Variants in UBR4 observed in about 807,000 individuals in gnomAD.
The protein encoded by UBR4 is E3 ubiquitin-protein ligase UBR4.
In UBR4, 124 loss-of-function variants were observed where a neutral mutation model predicts 575.6. The observed-to-expected ratio is 0.22, with a 90% CI of 0.19 to 0.25. The LOEUF (loss-of-function observed/expected upper bound fraction) is 0.25. Ranked by LOEUF, UBR4 falls within the 10% of genes least tolerant of loss-of-function variation. UBR4 has a pLI of 1.00. For synonymous variants in UBR4, 2,455 were observed against 2,473.7 expected, an observed-to-expected ratio of 0.99 and a Z score of 0.22; for missense variants, 4,818 against 6,478.8, an observed-to-expected ratio of 0.74 and a Z score of 8.80.
intron 60 of UBR4, among the ~76,000 whole-genome samples, chr1:19,132,667 G>C (rs892598330): frequency 1.2e-5 from 1 of 85,726 alleles, no homozygotes; most frequent in Admixed American, 1.1e-4. Flanking sequence ...GGAATAGAAA[G>C]CAGACATACA....
chr1:19,125,968 G>T (rs2081712164), intron 64 of UBR4, among the ~76,000 whole-genome samples: 1 of 152,212 alleles, frequency 6.6e-6, no homozygotes, highest in Non-Finnish European at 1.5e-5. Context: ...AGCTGTAGAA[G>T]CTGAAGGTTA....
Position 19,110,129 on chromosome 1 carries a change from T to C in UBR4, c.12072A>G (p.Ile4024Met). 6.2e-7 allele frequency: 1 copy of C among 1,614,204 alleles called. No individual in the cohort carries two copies. Among genetic ancestry groups the C allele is most frequent in the Non-Finnish European group, 8.5e-7 (1 of 1,180,038 alleles). The stretch of plus-strand genomic sequence containing the variant: ...TCTTGCTAGTGGGAGCAGGTGGTTT[T>C]ATCAGCTTCTGCAAGATCCTCAGGC... ...LMCLRILQKL[I>M]KPPAPTSKKN... Residue 4024 changes from isoleucine (I) to methionine (M), a missense_variant, in exon 81 of 106, where the codon ATA (isoleucine) becomes ATG (methionine). This residue lies in a region of UBR4 where 333 missense variants were observed against 459.2 expected (regional missense o/e 0.73). Coordinates refer to ENST00000375254, the MANE Select transcript of UBR4 (RefSeq NM_020765.3). The surrounding 1 kb of genome is among the most constrained non-coding windows in gnomAD (Gnocchi z 4.5).
rs748773657 is a variant in UBR4, at chr1:19,141,384, T to C, written c.8451A>G (p.Glu2817=). The change falls in exon 57 of 106, where the codon GAA becomes GAG. Residue 2817 remains glutamate (E), a synonymous_variant. Transcript: ENST00000375254. The part of the protein sequence containing the change: ...PPDADDETMV[E]LAIALSLQQD... Reference sequence around the variant, plus strand: ...GCTGCAGGCTCAGGGCAATGGCTAGTTCAACCATGGTCTCGTCATCTGCAT... The same window carrying C: ...GCTGCAGGCTCAGGGCAATGGCTAGCTCAACCATGGTCTCGTCATCTGCAT... The C allele has an allele frequency of 5.6e-6, 9 of 1,614,128 alleles. No individual in the cohort carries two copies. The Admixed American group carries it at 1.5e-4, about 27-fold the overall frequency.
chr1:19,123,183 G>A, intron 65 of UBR4, 123 bp from the exon 66 acceptor site: 1 of 1,046,972 alleles, frequency 9.6e-7, no homozygotes, highest in Middle Eastern at 2.1e-4. Context: ...CGGGCACGGT[G>A]GCTCACAGCT....
chr1:19,179,977 A>G (rs2090712572), intron 17 of UBR4, among the ~76,000 whole-genome samples: 1 of 152,238 alleles, frequency 6.6e-6, no homozygotes, highest in East Asian at 1.9e-4. Context: ...TTCCCTGGAA[A>G]TGAATGTTTC....
intron 60 of UBR4, among the ~76,000 whole-genome samples, chr1:19,134,086 TAAAAA>T (rs71030132): frequency 5.7e-5 from 3 of 52,522 alleles, no homozygotes; most frequent in African/African-American, 8.6e-5. Flanking sequence ...ACTCTGTCTC[TAAAAA>T]AAAAAAAAAA....
rs753881490 is a variant in UBR4 at position 19,110,411 on chromosome 1, C to T, written c.11946G>A (p.Glu3982=). The change falls in exon 80 of 106, where the codon GAG becomes GAA. Residue 3982 remains glutamate (E), a synonymous_variant. Transcript: ENST00000375254. The surrounding 1 kb of genome is among the most constrained non-coding windows in gnomAD (Gnocchi z 4.5). Reference sequence around the variant, plus strand: ...GTAACCGGAGCTCCCAGCAGCTGTCCTCCTTGGAGATAGAATCCGTCAGCA... The same window carrying T: ...GTAACCGGAGCTCCCAGCAGCTGTCTTCCTTGGAGATAGAATCCGTCAGCA... ...MLLLTDSISK[E]DSCWELRLRC... 1.9e-6 allele frequency: 3 copies of T among 1,614,188 alleles called. No homozygotes were observed. The highest frequency in any genetic ancestry group is 1.7e-5 in the Admixed American group (1 of 60,024).
In UBR4 at chr1:19,093,002, C is replaced by T. The variant is rs370942812; in HGVS notation, c.14112-84G>A. ...AGTTGTTGACTCTGGCTTGTTTAAA[C>T]CCCCAGGGCATGATTAACCGTGACC... is the stretch of plus-strand genomic sequence containing the variant. On this transcript the variant is annotated intron_variant, in intron 96 of 105. Coordinates refer to ENST00000375254, the MANE Select transcript of UBR4 (RefSeq NM_020765.3). This position sits in a 1 kb window ranked among gnomAD's most constrained non-coding sequence, Gnocchi z 4.8. 3 of 1,251,860 alleles carry T rather than the reference C, an allele frequency of 2.4e-6. No individual in the cohort carries two copies. Among genetic ancestry groups the T allele is most frequent in the Middle Eastern group, 2.2e-4 (1 of 4,572 alleles). 77.5% of individuals were successfully genotyped at this position (1,251,860 alleles called of 1,614,324 possible). A position where few individuals can be genotyped will look rare whatever the true frequency, so the allele number is the denominator to read the frequency against.
At chr1:19,106,481 G>A in intron 83 of UBR4, 88 bp downstream of exon 83, 3 of 1,440,160 alleles carry the variant, frequency 2.1e-6, no homozygotes, top group African/African-American at 2.8e-5. Flanking sequence ...AGATGGCAGT[G>A]CAGACACATG....
chr1:19,084,187 G>A (rs564093521), intron 102 of UBR4, among the ~76,000 whole-genome samples: 12 of 152,342 alleles, frequency 7.9e-5, no homozygotes, highest in Admixed American at 3.3e-4. Flanking sequence ...CCGCTGCATC[G>A]AAGTAGAGGC....
In UBR4 at chr1:19,138,084, G is replaced by A. The variant is rs1285394743; in HGVS notation, c.8829C>T (p.Thr2943=). 4 of 1,598,860 alleles carry A rather than the reference G, an allele frequency of 2.5e-6. No homozygotes were observed. The East Asian group carries it at 9.0e-5, about 36-fold the overall frequency. ...VSSSTGAIST[T]TGHQEGDGSE... is the part of the protein sequence containing the mutation. The stretch of plus-strand genomic sequence containing the variant: ...AGCCATCTCCCTCCTGGTGCCCAGT[G>A]GTGGTGCTGATGGCTCCAGTGCTTG... The change falls in exon 60 of 106, where the codon ACC becomes ACT. Residue 2943 remains threonine (T), a synonymous_variant. Transcript: ENST00000375254.
intron 21 of UBR4, 25 bp from the exon 22 acceptor site, chr1:19,174,472 C>A (rs940150700): frequency 3.1e-6 from 5 of 1,601,682 alleles, no homozygotes; most frequent in Non-Finnish European, 4.2e-6. Flanking sequence ...GAAAGAGAGT[C>A]ATTTCCTTAC....
chr1:19,161,573 G>A lies in UBR4; in HGVS notation c.5175+16C>T, dbSNP rs1355166607. On this transcript the variant is annotated intron_variant, in intron 37 of 105. Coordinates refer to ENST00000375254, the MANE Select transcript of UBR4 (RefSeq NM_020765.3). ...CTAACAAGCCACCCTTTATAGCTCA[G>A]GGAGGGTCCTCTCACCAAACAGCTG... is the stretch of plus-strand genomic sequence containing the variant. 6.3e-7 allele frequency: 1 copy of A among 1,591,508 alleles called. No individual in the cohort carries two copies. Among genetic ancestry groups the A allele is most frequent in the African/African-American group, 1.3e-5 (1 of 74,170 alleles).
At chr1:19,172,714 G>C (rs554843398) in intron 25 of UBR4, 150 bp downstream of exon 25, 1 of 687,030 alleles carries the variant, frequency 1.5e-6, no homozygotes. Flanking sequence ...TCCTCATCAA[G>C]CACCCCTTCA....
rs373791866 is a variant in UBR4 at position 19,151,748 on chromosome 1, T to C, written c.7108A>G (p.Ile2370Val). Reference sequence around the variant, plus strand: ...TTGAGCTGCATAGTTCTGCCGAAGATCTCGATATATGACGGGGCCCGTTCT... The same window carrying C: ...TTGAGCTGCATAGTTCTGCCGAAGACCTCGATATATGACGGGGCCCGTTCT... ...AIERAPSYIE[I>V]FGRTMQLNLS... is the part of the protein sequence containing the mutation. The change falls in exon 48 of 106, where the codon ATC (isoleucine) becomes GTC (valine). Residue 2370 changes from isoleucine (I) to valine (V), a missense_variant. Physicochemically the swap from Ile to Val is conservative, Grantham distance 29. This residue lies in a region of UBR4 where 461 missense variants were observed against 606.9 expected (regional missense o/e 0.76). Coordinates refer to ENST00000375254, the MANE Select transcript of UBR4 (RefSeq NM_020765.3). The C allele has an allele frequency of 6.8e-6, 11 of 1,614,170 alleles. No individual in the cohort carries two copies. The highest frequency in any genetic ancestry group is 9.3e-6 in the Non-Finnish European group (11 of 1,180,020).
intron 34 of UBR4, 108 bp downstream of exon 34, chr1:19,163,656 A>T: frequency 8.9e-7 from 1 of 1,129,724 alleles, no homozygotes; most frequent in Non-Finnish European, 1.3e-6. Context: ...TATCCTTGGT[A>T]GGCTAGCCAG....
At position 19,110,430 on chromosome 1, in the gene UBR4, G is replaced by T. The variant is rs751882889; in HGVS notation, c.11927C>A (p.Thr3976Lys). The T allele has an allele frequency of 2.5e-6, 4 of 1,614,040 alleles. No individual in the cohort carries two copies. The African/African-American group carries it at 4.0e-5, about 16-fold the overall frequency. Residue 3976 changes from threonine to lysine, a missense_variant, in exon 80 of 106, where the codon ACG becomes AAG. This residue lies in a region of UBR4 where 333 missense variants were observed against 459.2 expected (regional missense o/e 0.73). Coordinates refer to ENST00000375254, the MANE Select transcript of UBR4 (RefSeq NM_020765.3). The surrounding 1 kb of genome is among the most constrained non-coding windows in gnomAD (Gnocchi z 4.5). The part of the protein sequence containing the change: ...SSLQYEMLLL[T>K]DSISKEDSCW... ...GCTGTCCTCCTTGGAGATAGAATCC[G>T]TCAGCAGCAGCATTTCATACTGCAG... is the stretch of plus-strand genomic sequence containing the variant.
In UBR4 at chr1:19,192,363, G is replaced by C. The variant is rs1471675098; in HGVS notation, c.1219C>G (p.Gln407Glu). 6.2e-7 allele frequency: 1 copy of C among 1,613,950 alleles called. No individual in the cohort carries two copies. The highest frequency in any genetic ancestry group is 1.7e-5 in the Admixed American group (1 of 59,996). ...RAGGEHYQNF[Q>E]LLGAWCLLNS... Reference sequence around the variant, plus strand: ...AACAAGCACCAAGCACCCAGCAATTGGAAATTCTGATAGTGCTGTTGTGAA... The same window carrying C: ...AACAAGCACCAAGCACCCAGCAATTCGAAATTCTGATAGTGCTGTTGTGAA... Residue 407 changes from glutamine (Q) to glutamate (E), a missense_variant, in exon 11 of 106, where the codon CAA becomes GAA. Gln to Glu is a conservative substitution (Grantham distance 29). This residue lies in a region of UBR4 where 131 missense variants were observed against 214.5 expected (regional missense o/e 0.61). Transcript: ENST00000375254.
At chr1:19,141,803 T>C (rs1338779396) in intron 55 of UBR4, 26 bp from the exon 56 acceptor site, 5 of 1,611,340 alleles carry the variant, frequency 3.1e-6, no homozygotes, top group Middle Eastern at 1.7e-4. Context: ...CCCAGTCACC[T>C]GAAGGTGCTT....
Sources: gnomAD v4.1 joint callset for allele counts (sites outside exome capture counted in the v4.1 genomes callset) on GRCh38, gnomAD v4.1.1 for gene constraint, gnomAD v4.1.1 regional missense constraint, Gnocchi (gnomAD v3.1) non-coding constraint, MANE v1.5 for transcripts, NCBI Gene and HGNC (gene_info 2026-07-23, HGNC 2026-07-21) for gene names.